The following EDARADD variants were observed in gnomAD, a reference collection of about 807,000 sequenced individuals.
EDARADD encodes the protein EDAR associated via death domain.
A neutral mutation model predicts 25.6 loss-of-function variants in EDARADD; 20 were observed. That is an observed-to-expected ratio of 0.78 (90% CI 0.55 to 1.14). The LOEUF (loss-of-function observed/expected upper bound fraction) is 1.14. Ranked by LOEUF, EDARADD falls within the 50% of genes most tolerant of loss-of-function variation. EDARADD has a pLI of 0.00. For missense variants in EDARADD, 225 were observed against 270.1 expected, an observed-to-expected ratio of 0.83 and a Z score of 1.17; for synonymous variants, 86 against 94.4, an observed-to-expected ratio of 0.91 and a Z score of 0.52.
At chr1:236,432,765 A>G (rs929383190) in intron 4 of EDARADD, among the ~76,000 whole-genome samples, 2 of 152,046 alleles carry the variant, frequency 1.3e-5, no homozygotes, top group Non-Finnish European at 2.9e-5. Context: ...GGTGCCTGTA[A>G]TCCCAGCTAT....
At chr1:236,400,720 ATTTTTTTT>A (rs55864840) in intron 1 of EDARADD, among the ~76,000 whole-genome samples, 3 of 121,180 alleles carry the variant, frequency 2.5e-5, no homozygotes, top group African/African-American at 9.3e-5. Context: ...ACACCCGGCT[ATTTTTTTT>A]TTTTTTTTTT....
At chr1:236,430,224 C>A (rs1658057993) in intron 4 of EDARADD, among the ~76,000 whole-genome samples, 1 of 152,140 alleles carries the variant, frequency 6.6e-6, no homozygotes, top group African/African-American at 2.4e-5. Flanking sequence ...TCAACATTTT[C>A]CTTGAAATTA....
rs1285495598 is a variant in EDARADD at position 236,370,110 on chromosome 1, CAG to C, written c.-6+19274_-6+19275del. ...GGGTTCATCTTGCCCACTGCCTAGA[CAG>C]AGCCGATTCATCAAGACGGGGGAAT... On this transcript the variant is annotated intron_variant, in intron 3 of 7. Transcript: ENST00000439430. Among the ~76,000 whole-genome samples, 4 of 152,062 alleles carry C rather than the reference CAG, an allele frequency of 2.6e-5. No homozygotes were observed. The East Asian group carries it at 7.7e-4, about 29-fold the overall frequency.
At chr1:236,408,258 A>C (rs1400098522) in intron 1 of EDARADD, among the ~76,000 whole-genome samples, 1 of 152,128 alleles carries the variant, frequency 6.6e-6, no homozygotes, top group Non-Finnish European at 1.5e-5. Context: ...GCTGGAGGGC[A>C]GTGGTGTGAT....
intron 4 of EDARADD, among the ~76,000 whole-genome samples, chr1:236,446,244 C>T (rs190992700): frequency 1.2e-4 from 19 of 152,256 alleles, no homozygotes; most frequent in African/African-American, 1.7e-4. Flanking sequence ...TGATTGCTTA[C>T]GCCCAGTCTG....
At chr1:236,422,772 C>T (rs1380653653) in intron 3 of EDARADD, among the ~76,000 whole-genome samples, 1 of 152,172 alleles carries the variant, frequency 6.6e-6, no homozygotes, top group African/African-American at 2.4e-5. Context: ...TGGGGGAAGC[C>T]ACCCCTTCCT....
intron 2 of EDARADD, among the ~76,000 whole-genome samples, chr1:236,350,247 A>G (rs1666901571): frequency 6.6e-6 from 1 of 152,256 alleles, no homozygotes; most frequent in East Asian, 1.9e-4. Flanking sequence ...AAATATTTTG[A>G]TTTTCTTCCT....
rs116132409 is a variant in EDARADD, at chr1:236,417,092, G to A, written c.160+2793G>A. ...ACTTCCTGGGCTACACCCCAGCCTG[G>A]GTAACAGAATGAGACCCTGTCTCAA... On this transcript the variant is annotated intron_variant, in intron 3 of 5. Coordinates refer to ENST00000334232, the MANE Select transcript of EDARADD (RefSeq NM_145861.4). Among the ~76,000 whole-genome samples, 1,056 of 151,240 alleles carry A rather than the reference G, an allele frequency of 7.0e-3. 7 individuals carry two copies. Among genetic ancestry groups the A allele is most frequent in the African/African-American group, 0.024 (990 of 41,200 alleles).
chr1:236,420,212 A>G (rs1657748227), intron 3 of EDARADD, among the ~76,000 whole-genome samples: 1 of 152,212 alleles, frequency 6.6e-6, no homozygotes, highest in Admixed American at 6.5e-5. Flanking sequence ...TAAAATAAAA[A>G]GACTGCTAAT....
At position 236,477,054 on chromosome 1, in the gene EDARADD, C is replaced by CAAA. The variant is rs61477663; in HGVS notation, c.266-5201_266-5199dup. 6.1e-4 allele frequency among the ~76,000 whole-genome samples: 70 copies of CAAA among 113,850 alleles called. 1 individual carries two copies. Among genetic ancestry groups the CAAA allele is most frequent in the African/African-American group, 1.2e-3 (41 of 34,246 alleles). The allele number at this position is 113,850 out of a possible 152,430, so 74.7% of individuals were successfully genotyped here. On this transcript the variant is annotated intron_variant, in intron 5 of 5. Transcript: ENST00000334232. ...CAGAAAATTGAAAAGTGCCCATAAG[C>CAAA]AAAAAAAAAAAAAAGAAAAAATTAA...
At chr1:236,439,164 C>T (rs1658339289) in intron 4 of EDARADD, among the ~76,000 whole-genome samples, 1 of 152,202 alleles carries the variant, frequency 6.6e-6, no homozygotes, top group African/African-American at 2.4e-5. Context: ...TTCTTGCTGT[C>T]TTTTCACTGC....
chr1:236,433,170 TG>T (rs1009223879), intron 4 of EDARADD, among the ~76,000 whole-genome samples: 3 of 85,280 alleles, frequency 3.5e-5, no homozygotes, highest in Non-Finnish European at 7.9e-5. Flanking sequence ...TCTAGATCAA[TG>T]AAAGGCGCAT....
At chr1:236,408,149 C>A (rs11801245) in intron 1 of EDARADD, among the ~76,000 whole-genome samples, 5,972 of 151,978 alleles carry the variant, frequency 0.039, 377 homozygotes, top group African/African-American at 0.14. Context: ...TTATAGGTAA[C>A]CTGTTCCAAA....
At chr1:236,458,699 G>A (rs1003011002) in intron 4 of EDARADD, among the ~76,000 whole-genome samples, 1 of 139,380 alleles carries the variant, frequency 7.2e-6, no homozygotes, top group South Asian at 2.2e-4. Context: ...GCTGGAATGC[G>A]ATGGCCCAGT....
intron 1 of EDARADD, among the ~76,000 whole-genome samples, 189 bp from the exon 2 acceptor site, chr1:236,409,027 G>C (rs1667787840): frequency 6.7e-6 from 1 of 149,064 alleles, no homozygotes; most frequent in South Asian, 2.1e-4. Flanking sequence ...AAAGTGCTGG[G>C]ATTACAGCAT....
intron 3 of EDARADD, among the ~76,000 whole-genome samples, chr1:236,372,302 T>C (rs1667182168): frequency 6.6e-6 from 1 of 152,190 alleles, no homozygotes. Context: ...TTTTGTCAAA[T>C]GCTTTTTCTG....
intron 4 of EDARADD, among the ~76,000 whole-genome samples, chr1:236,467,784 A>G (rs751288720): frequency 2.0e-5 from 3 of 150,274 alleles, no homozygotes; most frequent in Non-Finnish European, 4.4e-5. Context: ...TTTCTTTGAG[A>G]TCTTGCGCTG....
At position 236,484,147 on chromosome 1, in the gene EDARADD, C is replaced by A; in HGVS notation, c.*1498C>A. ...CTCAGAGTGACCAACCCAAAGAGGACAGCCTCGGCCGTGAATGAGAAGAAG... is the reference window on the plus strand; with the variant it reads ...CTCAGAGTGACCAACCCAAAGAGGAAAGCCTCGGCCGTGAATGAGAAGAAG... On this transcript the variant is annotated 3_prime_UTR_variant, in exon 6 of 6. Transcript: ENST00000334232. This position sits in a 1 kb window ranked among gnomAD's most constrained non-coding sequence, Gnocchi z 4.1. 7.2e-7 allele frequency: 1 copy of A among 1,386,154 alleles called. No individual in the cohort carries two copies. 85.9% of individuals were successfully genotyped at this position (1,386,154 alleles called of 1,614,324 possible). A position where few individuals can be genotyped will look rare whatever the true frequency, so the allele number is the denominator to read the frequency against.
intron 5 of EDARADD, among the ~76,000 whole-genome samples, chr1:236,473,710 G>A (rs116444941): frequency 0.015 from 2,328 of 151,668 alleles, 63 homozygotes; most frequent in African/African-American, 0.053. Context: ...GTTTGAACCC[G>A]GGAGGTGGAG....
Sources: allele counts gnomAD v4.1 joint callset (sites outside exome capture counted in the v4.1 genomes callset), GRCh38; gene constraint gnomAD v4.1.1; non-coding constraint Gnocchi (gnomAD v3.1); transcripts MANE v1.5; gene names NCBI Gene and HGNC (gene_info 2026-07-23, HGNC 2026-07-21).